RPS6KA3: variants seen among roughly 807,000 people sequenced by gnomAD.
RPS6KA3 encodes the protein ribosomal protein S6 kinase A3, also known as ribosomal protein S6 kinase alpha-3.
RPS6KA3 carries 4 observed loss-of-function variants against 67.2 expected under a neutral mutation model. The observed-to-expected ratio is 0.06, with a 90% CI of 0.03 to 0.14. RPS6KA3 has a LOEUF of 0.14. Ranked by LOEUF, RPS6KA3 falls within the 10% of genes least tolerant of loss-of-function variation. The pLI, the probability that RPS6KA3 is intolerant of heterozygous loss-of-function variation, is 1.00. For missense variants in RPS6KA3, 204 were observed against 559.0 expected (o/e 0.36, Z 6.40); for synonymous variants, 182 against 183.7 (o/e 0.99, Z 0.07).
At chrX:20,181,344 G>A (rs2067837848) in intron 10 of RPS6KA3, among the ~76,000 whole-genome samples, 1 of 111,069 alleles carries the variant, frequency 9.0e-6, no homozygotes, top group African/African-American at 3.3e-5. Context: ...AACGGTTAGA[G>A]AGGTGGAAGA....
intron 7 of RPS6KA3, among the ~76,000 whole-genome samples, chrX:20,188,753 CA>C (rs2068049301): frequency 8.9e-6 from 1 of 112,361 alleles, no homozygotes. Context: ...ATTAATATGC[CA>C]GGGGCACTTG....
intron 3 of RPS6KA3, among the ~76,000 whole-genome samples, chrX:20,207,485 T>G (rs112880352): frequency 8.9e-6 from 1 of 111,976 alleles, no homozygotes; most frequent in African/African-American, 3.2e-5. Context: ...ATTGGAGATA[T>G]AAATGTGTTA....
chrX:20,254,907 C>T (rs1457595194), intron 1 of RPS6KA3, among the ~76,000 whole-genome samples: 2 of 111,832 alleles, frequency 1.8e-5, no homozygotes, highest in Non-Finnish European at 3.8e-5. Context: ...ATGGTACAGG[C>T]CAGCTGGAAA....
intron 1 of RPS6KA3, among the ~76,000 whole-genome samples, chrX:20,251,388 T>C (rs2069860631): frequency 8.8e-6 from 1 of 113,031 alleles, no homozygotes; most frequent in African/African-American, 3.2e-5. Context: ...GCAATCCTCT[T>C]GCCTTGGCCT....
At chrX:20,209,779 T>C (rs751732819) in intron 2 of RPS6KA3, among the ~76,000 whole-genome samples, 1 of 111,939 alleles carries the variant, frequency 8.9e-6, no homozygotes, top group East Asian at 2.8e-4. Context: ...AAATAACAGA[T>C]TGGAATAATC....
chrX:20,200,348 AAAGTC>A (rs1310323084), intron 4 of RPS6KA3, among the ~76,000 whole-genome samples: 1 of 112,221 alleles, frequency 8.9e-6, no homozygotes, highest in Non-Finnish European at 1.9e-5. Context: ...TAAAGAGATG[AAAGTC>A]ATTGTCTCTG....
intron 2 of RPS6KA3, among the ~76,000 whole-genome samples, chrX:20,230,066 C>A (rs773510935): frequency 4.4e-5 from 5 of 112,593 alleles, no homozygotes; most frequent in African/African-American, 1.6e-4. Context: ...AAGTAAACTG[C>A]CTCAAATGGT....
intron 2 of RPS6KA3, among the ~76,000 whole-genome samples, chrX:20,217,799 T>C (rs760163933): frequency 4.5e-5 from 5 of 112,342 alleles, no homozygotes; most frequent in Non-Finnish European, 7.5e-5. Context: ...AACCTCTTTG[T>C]AGATGATCAA....
At chrX:20,182,057 T>G (rs184450290) in intron 10 of RPS6KA3, among the ~76,000 whole-genome samples, 1 of 111,678 alleles carries the variant, frequency 9.0e-6, no homozygotes, top group East Asian at 2.8e-4. Context: ...AGACCTTTTA[T>G]ATTGTGTAGA....
chrX:20,204,014 A>G lies in RPS6KA3; in HGVS notation c.325+8T>C. 8.4e-7 allele frequency: 1 copy of G among 1,183,465 alleles called. No individual in the cohort carries two copies. The highest frequency in any genetic ancestry group is 1.2e-6 in the Non-Finnish European group (1 of 869,474). ...TACATGAACATTACAAATAGCAGCA[A>G]CACTTACCTTTCAGTGTGGCCTTCT... On this transcript the variant is annotated splice_region_variant and intron_variant, in intron 4 of 21. Coordinates refer to ENST00000379565, the MANE Select transcript of RPS6KA3 (RefSeq NM_004586.3).
rs1431239882 is a variant in RPS6KA3, at chrX:20,177,375, AT to A, written c.846-292del. Among the ~76,000 whole-genome samples, 5 of 112,123 alleles carry A rather than the reference AT, an allele frequency of 4.5e-5. No individual in the cohort carries two copies. In the Admixed American group the frequency reaches 4.7e-4, roughly 11 times the overall value. Reference sequence around the variant, plus strand: ...TTGTGTGTGTGTTTAGTTCTATGCCATTTTATTACATGTATGGCTTCTGTAT... The same window carrying A: ...TTGTGTGTGTGTTTAGTTCTATGCCATTTATTACATGTATGGCTTCTGTAT... On this transcript the variant is annotated intron_variant, in intron 10 of 21. Coordinates refer to ENST00000379565, the MANE Select transcript of RPS6KA3 (RefSeq NM_004586.3).
At chrX:20,234,036 G>C (rs953593717) in intron 2 of RPS6KA3, among the ~76,000 whole-genome samples, 1 of 111,965 alleles carries the variant, frequency 8.9e-6, no homozygotes, top group East Asian at 2.8e-4. Flanking sequence ...TAGTTACTGG[G>C]GATTCAGGAG....
chrX:20,265,726 T>C (rs1223992653), intron 1 of RPS6KA3: 1 of 110,309 alleles, frequency 9.1e-6, no homozygotes, highest in Non-Finnish European at 1.9e-5. Flanking sequence ...GAAAGCTCGG[T>C]GTAGTGATGC....
At chrX:20,216,580 G>C (rs371032277) in intron 2 of RPS6KA3, among the ~76,000 whole-genome samples, 5 of 110,050 alleles carry the variant, frequency 4.5e-5, no homozygotes, top group Non-Finnish European at 9.5e-5. Flanking sequence ...AGCAGATATG[G>C]AAAGGGGGGG....
intron 2 of RPS6KA3, among the ~76,000 whole-genome samples, chrX:20,214,203 T>C (rs2068788613): frequency 9.0e-6 from 1 of 111,259 alleles, no homozygotes; most frequent in South Asian, 3.7e-4. Context: ...TTGGTGGTTC[T>C]GTAGGCCCGC....
chrX:20,179,132 T>C (rs781362056), intron 10 of RPS6KA3, among the ~76,000 whole-genome samples: 2 of 111,768 alleles, frequency 1.8e-5, no homozygotes, highest in Non-Finnish European at 3.8e-5. Context: ...TACCTAATTA[T>C]GCAAAAGAGA....
At chrX:20,195,738 CT>C (rs916136538) in intron 4 of RPS6KA3, among the ~76,000 whole-genome samples, 14 of 111,424 alleles carry the variant, frequency 1.3e-4, no homozygotes, top group African/African-American at 4.6e-4. Flanking sequence ...TCTGTGTAAT[CT>C]TTTTTTTGAA....
At chrX:20,225,758 G>A (rs904938828) in intron 2 of RPS6KA3, among the ~76,000 whole-genome samples, 2 of 111,715 alleles carry the variant, frequency 1.8e-5, no homozygotes, top group African/African-American at 6.5e-5. Context: ...GGATCATTTT[G>A]GATGCTCAAA....
At chrX:20,225,095 C>T (rs1010629836) in intron 2 of RPS6KA3, among the ~76,000 whole-genome samples, 1 of 110,954 alleles carries the variant, frequency 9.0e-6, no homozygotes, top group African/African-American at 3.3e-5. Context: ...AGTCACTTTG[C>T]TTTCTTTCAA....
Sources: allele counts gnomAD v4.1 joint callset (sites outside exome capture counted in the v4.1 genomes callset), GRCh38; gene constraint gnomAD v4.1.1; transcripts MANE v1.5; gene names NCBI Gene and HGNC (gene_info 2026-07-23, HGNC 2026-07-21).